The following SV2B variants were observed in gnomAD, a reference collection of about 807,000 sequenced individuals.
SV2B encodes the protein synaptic vesicle glycoprotein 2B.
In SV2B, 41 loss-of-function variants were observed where a neutral mutation model predicts 73.9. That is an observed-to-expected ratio of 0.56 (90% CI 0.43 to 0.72). The LOEUF is 0.72. Ranked by LOEUF, SV2B falls within the 30% of genes least tolerant of loss-of-function variation. The pLI is 0.00. For missense variants in SV2B, 764 were observed against 857.8 expected (o/e 0.89, Z 1.37); for synonymous variants, 314 against 314.2 (o/e 1.00, Z 0.01).
intron 4 of SV2B, among the ~76,000 whole-genome samples, chr15:91,254,234 C>CTTCT (rs1272630977): frequency 1.6e-5 from 2 of 127,294 alleles, no homozygotes; most frequent in African/African-American, 5.9e-5. Flanking sequence ...ATTTTCACTT[C>CTTCT]TTTTTTTTTT....
chr15:91,286,285 A>T (rs1049320499), intron 11 of SV2B, among the ~76,000 whole-genome samples: 1 of 152,192 alleles, frequency 6.6e-6, no homozygotes, highest in Non-Finnish European at 1.5e-5. Context: ...AAATAGCCCT[A>T]TCCCCACCTC....
chr15:91,233,397 A>C (rs1404760953), intron 2 of SV2B, among the ~76,000 whole-genome samples: 1 of 152,220 alleles, frequency 6.6e-6, no homozygotes, highest in Non-Finnish European at 1.5e-5. Context: ...TCAAATTCCC[A>C]GTTCAAATGC....
At position 91,302,502 on chromosome 15, in the gene SV2B, T is replaced by A. The variant is rs906943187; in HGVS notation, c.*9950T>A. The stretch of plus-strand genomic sequence containing the variant: ...CAAGTATGAAAGTAGCTATGTGAAT[T>A]TGCCAAATAGAAATCTTGGAGGCCA... On this transcript the variant is annotated 3_prime_UTR_variant, in exon 13 of 13. Coordinates refer to ENST00000394232, the MANE Select transcript of SV2B (RefSeq NM_001323032.3). 5.9e-5 allele frequency among the ~76,000 whole-genome samples: 9 copies of A among 152,066 alleles called. No individual in the cohort carries two copies.
rs1488609110 is a variant in SV2B, at chr15:91,252,259, T to C, written c.633-110T>C. The C allele has an allele frequency of 7.0e-7, 1 of 1,423,850 alleles. No homozygotes were observed. Among genetic ancestry groups the C allele is most frequent in the African/African-American group, 1.4e-5 (1 of 69,948 alleles). 88.2% of individuals were successfully genotyped at this position (1,423,850 alleles called of 1,614,324 possible). On this transcript the variant is annotated intron_variant, in intron 3 of 12. Transcript: ENST00000394232. The surrounding 1 kb of genome is among the most constrained non-coding windows in gnomAD (Gnocchi z 4.6). ...TAACTGGCCGGTCTCTCAAATTCACTGGGTCCTTTCACCACAGAGCCTAAG... is the reference window on the plus strand; with the variant it reads ...TAACTGGCCGGTCTCTCAAATTCACCGGGTCCTTTCACCACAGAGCCTAAG...
intron 1 of SV2B, among the ~76,000 whole-genome samples, chr15:91,120,389 C>T (rs1276530759): frequency 6.6e-6 from 1 of 152,180 alleles, no homozygotes; most frequent in Non-Finnish European, 1.5e-5. Flanking sequence ...AAATCTGCCT[C>T]CGTAATCTCA....
rs2048982311 is a variant in SV2B, at chr15:91,289,831, A to G, written c.1868+151A>G. On this transcript the variant is annotated intron_variant, in intron 12 of 12. Coordinates refer to ENST00000394232, the MANE Select transcript of SV2B (RefSeq NM_001323032.3). The surrounding 1 kb of genome is among the most constrained non-coding windows in gnomAD (Gnocchi z 4.9). The stretch of plus-strand genomic sequence containing the variant: ...ATCTTTTATGTTGAGCTTCTCCTGC[A>G]TGGTGGATGGCATAGACCTGAAAGT... 1 of 966,704 alleles carries G rather than the reference A, an allele frequency of 1.0e-6. No individual in the cohort carries two copies. Among genetic ancestry groups the G allele is most frequent in the Non-Finnish European group, 1.5e-6 (1 of 668,052 alleles). The allele number at this position is 966,704 out of a possible 1,614,324, so 59.9% of individuals were successfully genotyped here.
chr15:91,198,204 C>G (rs572910863), intron 1 of SV2B, among the ~76,000 whole-genome samples: 2 of 151,834 alleles, frequency 1.3e-5, no homozygotes, highest in East Asian at 3.8e-4. Context: ...AGCAAAAGGC[C>G]GAGGAAGCCA....
chr15:91,220,438 T>A lies in SV2B; in HGVS notation c.-391-5435T>A, dbSNP rs2046175914. ...AAGATGCAGTGTTTCCCAAACTTAC[T>A]TGCTCTTGGAATTCTATTTTTCACT... On this transcript the variant is annotated intron_variant, in intron 1 of 12. Transcript: ENST00000394232. This position sits in a 1 kb window ranked among gnomAD's most constrained non-coding sequence, Gnocchi z 4.1. 6.6e-6 allele frequency among the ~76,000 whole-genome samples: 1 copy of A among 152,270 alleles called. No individual in the cohort carries two copies. The highest frequency in any genetic ancestry group is 1.5e-5 in the Non-Finnish European group (1 of 68,042).
At chr15:91,191,103 T>G (rs1194851042) in intron 1 of SV2B, among the ~76,000 whole-genome samples, 3 of 130,028 alleles carry the variant, frequency 2.3e-5, no homozygotes, top group Non-Finnish European at 3.2e-5. Flanking sequence ...CTTGCTCTTG[T>G]TGCCCAGGCT....
intron 1 of SV2B, among the ~76,000 whole-genome samples, chr15:91,222,316 A>G (rs1322353254): frequency 6.6e-6 from 1 of 152,260 alleles, no homozygotes; most frequent in East Asian, 1.9e-4. Flanking sequence ...AAAGATGTAA[A>G]GCACATGGTA....
chr15:91,276,103 C>G (rs2048477292), intron 9 of SV2B, among the ~76,000 whole-genome samples: 1 of 150,516 alleles, frequency 6.6e-6, no homozygotes, highest in Admixed American at 6.6e-5. Flanking sequence ...AAAGCTTTCA[C>G]CCTATTGTCT....
intron 11 of SV2B, among the ~76,000 whole-genome samples, chr15:91,287,878 G>C (rs1030235728): frequency 1.3e-5 from 2 of 152,190 alleles, no homozygotes; most frequent in African/African-American, 2.4e-5. Context: ...GAGGACAAGG[G>C]GGGATAATTG....
intron 4 of SV2B, among the ~76,000 whole-genome samples, chr15:91,256,761 T>G (rs1384157738): frequency 6.6e-6 from 1 of 152,182 alleles, no homozygotes; most frequent in Non-Finnish European, 1.5e-5. Context: ...GGGACCACAG[T>G]CCCACATTTC....
In SV2B at chr15:91,268,855, T is replaced by G. The variant is rs1302375661; in HGVS notation, c.1373+250T>G. ...TATTTCATGTGAGGATGGAGACATT[T>G]GACTGAGGACGGTCAGTTGGGCCAT... is the stretch of plus-strand genomic sequence containing the variant. On this transcript the variant is annotated intron_variant, in intron 9 of 12. Transcript: ENST00000394232. The surrounding 1 kb of genome is among the most constrained non-coding windows in gnomAD (Gnocchi z 4.4). Among the ~76,000 whole-genome samples, 1 of 152,142 alleles carries G rather than the reference T, an allele frequency of 6.6e-6. No individual in the cohort carries two copies. The highest frequency in any genetic ancestry group is 1.9e-4 in the East Asian group (1 of 5,182).
chr15:91,131,245 C>A (rs1596454405), intron 1 of SV2B, among the ~76,000 whole-genome samples: 6 of 149,520 alleles, frequency 4.0e-5, no homozygotes, highest in Admixed American at 2.0e-4. Flanking sequence ...CTGCCCTGGC[C>A]TCCCAAAGTG....
chr15:91,190,778 C>G (rs2044980255), intron 1 of SV2B, among the ~76,000 whole-genome samples: 1 of 152,106 alleles, frequency 6.6e-6, no homozygotes. Context: ...TCTTCTGTAA[C>G]ATGACTTTTC....
At chr15:91,259,763 C>T (rs1050934237) in intron 5 of SV2B, among the ~76,000 whole-genome samples, 2 of 152,198 alleles carry the variant, frequency 1.3e-5, no homozygotes, top group African/African-American at 4.8e-5. Context: ...GGTGTCCTCC[C>T]TGATGCCTCT....
chr15:91,221,227 T>C (rs951162714), intron 1 of SV2B, among the ~76,000 whole-genome samples: 1 of 152,168 alleles, frequency 6.6e-6, no homozygotes, highest in African/African-American at 2.4e-5. Context: ...ATCACATCTG[T>C]ACCAGACACT....
rs115158721 is a variant in SV2B, at chr15:91,235,907, G to T, written c.451+9193G>T. On this transcript the variant is annotated intron_variant, in intron 2 of 12. Transcript: ENST00000394232. ...GAGGGAGATGCAGAGATAGAGAGGG[G>T]GAGAGAGAGAAGACCGGGCAGTAGA... Among the ~76,000 whole-genome samples the T allele has an allele frequency of 5.3e-3, 804 of 152,236 alleles. 7 individuals are homozygous for T. Among genetic ancestry groups the T allele is most frequent in the African/African-American group, 0.018 (753 of 41,544 alleles).
Sources: gnomAD v4.1 joint callset for allele counts (sites outside exome capture counted in the v4.1 genomes callset) on GRCh38, gnomAD v4.1.1 for gene constraint, Gnocchi (gnomAD v3.1) non-coding constraint, MANE v1.5 for transcripts, NCBI Gene and HGNC (gene_info 2026-07-23, HGNC 2026-07-21) for gene names.